Variants in CYP20A1 observed in about 807,000 individuals in gnomAD.
The protein encoded by CYP20A1 is cytochrome P450 20A1.
CYP20A1 carries 61 observed loss-of-function variants against 61.4 expected under a neutral mutation model. That is an observed-to-expected ratio of 0.99 (90% CI 0.81 to 1.23). The LOEUF (loss-of-function observed/expected upper bound fraction) is 1.23, where lower values mean the gene tolerates loss of function less well. Among genes scored for constraint, CYP20A1 ranks in the 50% most tolerant of loss-of-function variants. The pLI, the probability that CYP20A1 is intolerant of heterozygous loss-of-function variation, is 0.00. For missense variants in CYP20A1, 530 were observed against 542.4 expected (o/e 0.98, Z 0.23); for synonymous variants, 193 against 188.2 (o/e 1.03, Z -0.21).
At chr2:203,278,499 C>A in intron 6 of CYP20A1, 74 bp from the exon 7 acceptor site, 1 of 599,314 alleles carries the variant, frequency 1.7e-6, no homozygotes, top group South Asian at 3.4e-5. Context: ...AGTAACATTG[C>A]ACAGAATTAT....
chr2:203,251,881 T>C, intron 3 of CYP20A1, 86 bp from the exon 4 acceptor site: 4 of 1,069,816 alleles, frequency 3.7e-6, no homozygotes, highest in Non-Finnish European at 1.2e-6. Flanking sequence ...GCTACAATTC[T>C]TTACCTCCCT....
chr2:203,297,024 G>T lies in CYP20A1; in HGVS notation c.*116G>T, dbSNP rs1449613688. ...CACTTTGTAATATAAACACCTATTT[G>T]TACTTAATTTTGTAAATTTGGATTT... On this transcript the variant is annotated 3_prime_UTR_variant, in exon 13 of 13. Transcript: ENST00000356079. 5 of 596,846 alleles carry T rather than the reference G, an allele frequency of 8.4e-6. No homozygotes were observed. In the South Asian group the frequency reaches 1.0e-4, roughly 12 times the overall value. The allele number at this position is 596,846 out of a possible 1,614,324, so 37.0% of individuals were successfully genotyped here. A position where few individuals can be genotyped will look rare whatever the true frequency, so the allele number is the denominator to read the frequency against.
At chr2:203,275,450 T>C (rs1291926735) in intron 6 of CYP20A1, among the ~76,000 whole-genome samples, 1 of 152,128 alleles carries the variant, frequency 6.6e-6, no homozygotes, top group East Asian at 1.9e-4. Flanking sequence ...TTTGTTTTTT[T>C]TTGAGACTGA....
At chr2:203,295,141 T>C (rs1312699516) in intron 11 of CYP20A1, among the ~76,000 whole-genome samples, 1 of 151,010 alleles carries the variant, frequency 6.6e-6, no homozygotes, top group Non-Finnish European at 1.5e-5. Flanking sequence ...GTATTTTTAG[T>C]AGAGATGGGG....
At chr2:203,249,563 G>A (rs2066583015) in intron 3 of CYP20A1, among the ~76,000 whole-genome samples, 2 of 152,004 alleles carry the variant, frequency 1.3e-5, no homozygotes, top group Non-Finnish European at 2.9e-5. Flanking sequence ...AGAAAAAATA[G>A]GCCAGGCATG....
intron 6 of CYP20A1, 103 bp downstream of exon 6, chr2:203,272,851 CTTTTTTT>C (rs372576462): frequency 2.5e-6 from 1 of 399,912 alleles, no homozygotes; most frequent in African/African-American, 2.3e-5. Context: ...TTTATATTTT[CTTTTTTT>C]TTTTTTTTGA....
intron 4 of CYP20A1, among the ~76,000 whole-genome samples, chr2:203,255,448 C>T (rs1168367797): frequency 2.0e-5 from 3 of 152,158 alleles, no homozygotes; most frequent in East Asian, 1.9e-4. Context: ...TATTTATAAT[C>T]GGAACATATT....
At chr2:203,280,155 A>G in intron 8 of CYP20A1, 42 bp downstream of exon 8, 1 of 1,503,452 alleles carries the variant, frequency 6.7e-7, no homozygotes, top group Non-Finnish European at 9.1e-7. Flanking sequence ...ATTACTAAAT[A>G]TATAGGCTGA....
intron 10 of CYP20A1, among the ~76,000 whole-genome samples, chr2:203,291,527 G>A (rs909493361): frequency 6.6e-5 from 10 of 151,776 alleles, no homozygotes; most frequent in Non-Finnish European, 1.5e-4. Flanking sequence ...AACAGTTTGT[G>A]TTTTTCTTTT....
intron 4 of CYP20A1, among the ~76,000 whole-genome samples, chr2:203,256,717 C>T (rs912594854): frequency 5.3e-5 from 8 of 152,146 alleles, no homozygotes; most frequent in East Asian, 1.9e-4. Context: ...GTGTGTGCTC[C>T]GTGAAGGTAG....
Position 203,285,692 on chromosome 2 carries a change from G to A in CYP20A1, c.931G>A (p.Gly311Arg), listed in dbSNP as rs188811517. The A allele has an allele frequency of 1.9e-5, 31 of 1,604,162 alleles. No individual in the cohort carries two copies. Among genetic ancestry groups the A allele is most frequent in the Admixed American group, 8.7e-5 (5 of 57,390 alleles). The change falls in exon 9 of 13, where the codon GGA becomes AGA. Residue 311 changes from glycine (G) to arginine (R), a missense_variant. Gly to Arg is a moderately radical substitution (Grantham distance 125). Coordinates refer to ENST00000356079, the MANE Select transcript of CYP20A1 (RefSeq NM_177538.3). ...ATATGAAGAGATAAACCAAGTTTTT[G>A]GAAATGGTCCTGTTACTCCAGAGAA... is the stretch of plus-strand genomic sequence containing the variant. Reference protein sequence around the residue: ...KLYEEINQVFGNGPVTPEKIE... With the variant: ...KLYEEINQVFRNGPVTPEKIE...
At chr2:203,244,043 C>A (rs1361100245) in intron 1 of CYP20A1, among the ~76,000 whole-genome samples, 1 of 152,038 alleles carries the variant, frequency 6.6e-6, no homozygotes, top group Non-Finnish European at 1.5e-5. Context: ...ACCACCCTGC[C>A]TATCTGCCTA....
chr2:203,244,561 ATT>A (rs76683602), intron 1 of CYP20A1, among the ~76,000 whole-genome samples: 3 of 143,446 alleles, frequency 2.1e-5, no homozygotes, highest in Non-Finnish European at 1.5e-5. Context: ...ATGGACCTTG[ATT>A]TTTTTTTTTT....
intron 12 of CYP20A1, 92 bp downstream of exon 12, chr2:203,296,655 T>A: frequency 7.1e-7 from 1 of 1,406,426 alleles, no homozygotes; most frequent in Non-Finnish European, 9.6e-7. Context: ...TATTATTTTT[T>A]TATTATTATT....
intron 11 of CYP20A1, among the ~76,000 whole-genome samples, chr2:203,295,733 G>A (rs545558652): frequency 3.9e-5 from 6 of 151,904 alleles, no homozygotes; most frequent in East Asian, 1.9e-4. Context: ...GGATCACGAC[G>A]AGGTCAAGAG....
At chr2:203,243,501 C>A (rs2105891601) in intron 1 of CYP20A1, among the ~76,000 whole-genome samples, 1 of 152,142 alleles carries the variant, frequency 6.6e-6, no homozygotes, top group Admixed American at 6.6e-5. Flanking sequence ...AATCCCGCCT[C>A]AGCCTCCTGA....
In CYP20A1 at chr2:203,293,214, C is replaced by CTTTTTTT. The variant is rs575058733; in HGVS notation, c.1148+889_1148+890insTTTTTTT. On this transcript the variant is annotated intron_variant, in intron 11 of 12. Coordinates refer to ENST00000356079, the MANE Select transcript of CYP20A1 (RefSeq NM_177538.3). ...ATTTTTAAAAAAGCAGAATTTCTCT[C>CTTTTTTT]TCTTTTTTTTTTTTTTTTTGAGATG... Among the ~76,000 whole-genome samples the CTTTTTTT allele has an allele frequency of 8.5e-5, 11 of 128,902 alleles. 5 individuals are homozygous for CTTTTTTT. The highest frequency in any genetic ancestry group is 1.4e-4 in the Non-Finnish European group (9 of 62,466). The allele number at this position is 128,902 out of a possible 152,430, so 84.6% of individuals were successfully genotyped here. A position where few individuals can be genotyped will look rare whatever the true frequency, so the allele number is the denominator to read the frequency against.
intron 8 of CYP20A1, among the ~76,000 whole-genome samples, chr2:203,281,809 A>C (rs954652981): frequency 1.8e-4 from 27 of 152,074 alleles, no homozygotes; most frequent in African/African-American, 6.0e-4. Context: ...TCAAAAAAAA[A>C]CAAAAAACAA....
chr2:203,272,805 A>C, intron 6 of CYP20A1, 57 bp downstream of exon 6: 1 of 1,052,266 alleles, frequency 9.5e-7, no homozygotes, highest in Non-Finnish European at 1.4e-6. Context: ...CCCCAGTTTT[A>C]ATAAAGTAAT....
Sources: allele counts gnomAD v4.1 joint callset (sites outside exome capture counted in the v4.1 genomes callset), GRCh38; gene constraint gnomAD v4.1.1; transcripts MANE v1.5; gene names NCBI Gene and HGNC (gene_info 2026-07-23, HGNC 2026-07-21).